Variants in BTRC observed in about 807,000 individuals in gnomAD.
BTRC encodes beta-transducin repeat containing E3 ubiquitin protein ligase.
A neutral mutation model predicts 85.5 loss-of-function variants in BTRC; 42 were observed. That is an observed-to-expected ratio of 0.49 (90% CI 0.38 to 0.64). The LOEUF is 0.64. Among genes scored for constraint, BTRC ranks in the 30% least tolerant of loss-of-function variants. BTRC has a pLI of 0.00. For missense variants in BTRC, 594 were observed against 743.5 expected (o/e 0.80, Z 2.34); for synonymous variants, 255 against 263.3 (o/e 0.97, Z 0.30).
intron 3 of BTRC, 112 bp downstream of exon 3, chr10:101,462,170 T>C (rs904238132): frequency 4.9e-6 from 4 of 813,586 alleles, no homozygotes; most frequent in Non-Finnish European, 7.8e-6. Flanking sequence ...TTAAGAGTAC[T>C]CGGACGTTGG....
chr10:101,516,780 C>G (rs937677297), intron 4 of BTRC, among the ~76,000 whole-genome samples: 1 of 152,124 alleles, frequency 6.6e-6, no homozygotes, highest in Admixed American at 6.6e-5. Context: ...ATAGCAATAT[C>G]TCGTTTATTT....
chr10:101,552,411 T>G (rs989863866), intron 14 of BTRC, among the ~76,000 whole-genome samples: 1 of 151,156 alleles, frequency 6.6e-6, no homozygotes, highest in Non-Finnish European at 1.5e-5. Context: ...CAGGCTGGTC[T>G]CGAACTCCTG....
chr10:101,414,543 T>C (rs962517597), intron 1 of BTRC: 2 of 439,622 alleles, frequency 4.5e-6, no homozygotes, highest in African/African-American at 2.1e-5. Context: ...TTCTACTTAT[T>C]AAAAAAAATT....
intron 13 of BTRC, among the ~76,000 whole-genome samples, chr10:101,549,713 C>CCAAAAAAAAAAA (rs2062618078): frequency 1.6e-4 from 7 of 42,774 alleles, no homozygotes; most frequent in Non-Finnish European, 2.5e-4. Context: ...GACTCTGTCT[C>CCAAAAAAAAAAA]AAAAAAAAAA....
At chr10:101,403,048 A>AT (rs1943529444) in intron 1 of BTRC, among the ~76,000 whole-genome samples, 1 of 152,208 alleles carries the variant, frequency 6.6e-6, no homozygotes, top group Non-Finnish European at 1.5e-5. Context: ...GCAGGGACTC[A>AT]TTTAGCTTTT....
chr10:101,458,424 G>A (rs530685416), intron 2 of BTRC, among the ~76,000 whole-genome samples: 1 of 152,110 alleles, frequency 6.6e-6, no homozygotes, highest in Non-Finnish European at 1.5e-5. Context: ...TTTAATGGCG[G>A]TGTTATACAA....
intron 6 of BTRC, 41 bp downstream of exon 6, chr10:101,526,240 C>T: frequency 6.4e-7 from 1 of 1,558,324 alleles, no homozygotes; most frequent in Non-Finnish European, 8.7e-7. Context: ...GGCTTCAGGA[C>T]CTGGCCATTC....
chr10:101,415,300 C>T (rs1342131981), intron 1 of BTRC, among the ~76,000 whole-genome samples: 1 of 151,336 alleles, frequency 6.6e-6, no homozygotes, highest in African/African-American at 2.4e-5. Flanking sequence ...TGCAGTCTCC[C>T]GAGTAGCTGG....
chr10:101,448,933 T>C (rs1236958617), intron 2 of BTRC, among the ~76,000 whole-genome samples: 1 of 151,996 alleles, frequency 6.6e-6, no homozygotes, highest in Non-Finnish European at 1.5e-5. Context: ...AGGAATGGTA[T>C]TTGTAATTTT....
chr10:101,384,963 C>T (rs1943028005), intron 1 of BTRC, among the ~76,000 whole-genome samples: 1 of 152,068 alleles, frequency 6.6e-6, no homozygotes, highest in Non-Finnish European at 1.5e-5. Flanking sequence ...TGGCTGTCAC[C>T]TGTAATCCCA....
chr10:101,467,490 A>G (rs538276310), intron 3 of BTRC, among the ~76,000 whole-genome samples: 1 of 152,238 alleles, frequency 6.6e-6, no homozygotes, highest in African/African-American at 2.4e-5. Context: ...TTCTCCCTCT[A>G]GTGGCAATAG....
intron 1 of BTRC, among the ~76,000 whole-genome samples, chr10:101,400,808 G>A (rs1589423801): frequency 1.3e-5 from 2 of 152,286 alleles, no homozygotes; most frequent in East Asian, 3.9e-4. Flanking sequence ...CAAAATGGAA[G>A]ACTACTTCAA....
At chr10:101,402,702 A>G (rs1345393016) in intron 1 of BTRC, among the ~76,000 whole-genome samples, 1 of 152,212 alleles carries the variant, frequency 6.6e-6, no homozygotes, top group Non-Finnish European at 1.5e-5. Flanking sequence ...AAGTGTATAG[A>G]AATTAAGTGA....
Position 101,508,261 on chromosome 10 carries a change from A to G in BTRC, c.325-13378A>G, listed in dbSNP as rs1246175675. Among the ~76,000 whole-genome samples, 4 of 152,164 alleles carry G rather than the reference A, an allele frequency of 2.6e-5. No individual in the cohort carries two copies. The East Asian group carries it at 5.8e-4, about 22-fold the overall frequency. On this transcript the variant is annotated intron_variant, in intron 4 of 14. Transcript: ENST00000370187. ...ACTGGGCAATGTCAGTTCATTTCCT[A>G]CTGGGCTTTATTTAAAGGAATTGGA...
chr10:101,383,310 T>A (rs1019930536), intron 1 of BTRC, among the ~76,000 whole-genome samples: 2 of 151,900 alleles, frequency 1.3e-5, no homozygotes, highest in African/African-American at 4.8e-5. Flanking sequence ...GTCTGAGAAT[T>A]TGCATTTCTA....
chr10:101,532,149 G>A, intron 7 of BTRC, 146 bp from the exon 8 acceptor site: 1 of 718,272 alleles, frequency 1.4e-6, no homozygotes, highest in Non-Finnish European at 2.1e-6. Flanking sequence ...ATAGATAGTA[G>A]CCTTTTAAAG....
chr10:101,535,655 G>A (rs2062374639), intron 11 of BTRC, among the ~76,000 whole-genome samples, 183 bp downstream of exon 11: 1 of 152,168 alleles, frequency 6.6e-6, no homozygotes, highest in African/African-American at 2.4e-5. Flanking sequence ...GCCTTTTGTT[G>A]CCCTTCTTTT....
intron 1 of BTRC, among the ~76,000 whole-genome samples, chr10:101,426,190 T>C (rs996161178): frequency 4.6e-5 from 7 of 152,214 alleles, no homozygotes; most frequent in Non-Finnish European, 7.3e-5. Flanking sequence ...TATAGCCCAC[T>C]CCATTTATTT....
In BTRC at chr10:101,475,922, C is replaced by CATATATATATATATATATAT. The variant is rs71016324; in HGVS notation, c.235-3433_235-3414dup. ...TTTGCATAGTCTCCAAGTATTTTGC[C>CATATATATATATATATATAT]ATATATATATATATATATATATATA... On this transcript the variant is annotated intron_variant, in intron 3 of 14. Coordinates refer to ENST00000370187, the MANE Select transcript of BTRC (RefSeq NM_033637.4). Among the ~76,000 whole-genome samples the CATATATATATATATATATAT allele has an allele frequency of 6.6e-3, 447 of 67,452 alleles. 35 individuals carry two copies. The highest frequency in any genetic ancestry group is 9.7e-3 in the Non-Finnish European group (323 of 33,146). 44.3% of individuals were successfully genotyped at this position (67,452 alleles called of 152,430 possible).
Sources: allele counts gnomAD v4.1 joint callset (sites outside exome capture counted in the v4.1 genomes callset), GRCh38; gene constraint gnomAD v4.1.1; transcripts MANE v1.5; gene names NCBI Gene and HGNC (gene_info 2026-07-23, HGNC 2026-07-21).